Variants in TLE3 observed in about 807,000 individuals in gnomAD.
TLE3 encodes the protein transducin-like enhancer protein 3.
TLE3 carries 14 observed loss-of-function variants against 93.0 expected under a neutral mutation model. The ratio of observed to expected loss-of-function variants is 0.15; its 90% confidence interval spans 0.10 to 0.24. The LOEUF (loss-of-function observed/expected upper bound fraction) is 0.24. TLE3 is among the 10% of genes least tolerant of loss of function. The probability of loss-of-function intolerance (pLI) is 1.00; values close to 1 mark genes in which losing one functional copy is unlikely to be tolerated. For synonymous variants in TLE3, 451 were observed against 425.0 expected (o/e 1.06, Z -0.75); for missense variants, 693 against 1,046.6 (o/e 0.66, Z 4.66).
intron 4 of TLE3, among the ~76,000 whole-genome samples, chr15:70,083,494 A>G (rs1337742164): frequency 1.4e-5 from 2 of 145,680 alleles, no homozygotes; most frequent in East Asian, 2.1e-4. Flanking sequence ...AACACTGCCC[A>G]TTCATCCCAG....
intron 4 of TLE3, among the ~76,000 whole-genome samples, chr15:70,083,895 T>C (rs542172353): frequency 6.6e-6 from 1 of 152,048 alleles, no homozygotes; most frequent in South Asian, 2.1e-4. Flanking sequence ...CCCCATTCTA[T>C]CTACCTACCA....
In TLE3 at chr15:70,070,587, C is replaced by T. The variant is rs553460325; in HGVS notation, c.372+3946G>A. On this transcript the variant is annotated intron_variant, in intron 6 of 19. Transcript: ENST00000451782. The stretch of plus-strand genomic sequence containing the variant: ...ACTCAGTGGGCACCATAGCTCCACA[C>T]GCATTGAGCTTCTGGGGTTGGTAAT... Among the ~76,000 whole-genome samples, 28 of 152,314 alleles carry T rather than the reference C, an allele frequency of 1.8e-4. No individual in the cohort carries two copies. In the South Asian group the frequency reaches 4.4e-3, roughly 24 times the overall value.
chr15:70,051,150 C>T, intron 19 of TLE3: 1 of 389,930 alleles, frequency 2.6e-6, no homozygotes, highest in Non-Finnish European at 4.7e-6. Context: ...GCTTAGAAGC[C>T]CTTGCCCTCG....
intron 6 of TLE3, among the ~76,000 whole-genome samples, chr15:70,070,587 C>G (rs553460325): frequency 6.6e-6 from 1 of 152,196 alleles, no homozygotes; most frequent in Non-Finnish European, 1.5e-5. Flanking sequence ...TAGCTCCACA[C>G]GCATTGAGCT....
chr15:70,068,379 T>C (rs945294967), intron 6 of TLE3, among the ~76,000 whole-genome samples: 2 of 152,178 alleles, frequency 1.3e-5, no homozygotes, highest in Non-Finnish European at 2.9e-5. Flanking sequence ...CTACCTAGTA[T>C]TCCCTGGTGT....
chr15:70,055,948 G>C (rs977837436), intron 14 of TLE3: 64 of 407,054 alleles, frequency 1.6e-4, no homozygotes, highest in African/African-American at 1.1e-3. Flanking sequence ...AGCGGCACTG[G>C]GGCCTTCCCA....
intron 6 of TLE3, among the ~76,000 whole-genome samples, chr15:70,072,769 CA>C (rs1370760178): frequency 6.6e-6 from 1 of 152,222 alleles, no homozygotes; most frequent in East Asian, 1.9e-4. Flanking sequence ...CTAGTGGCTA[CA>C]GGCCAAGGAT....
At chr15:70,060,498 AC>A (rs761957807) in intron 9 of TLE3, 31 bp downstream of exon 9, 1 of 1,611,854 alleles carries the variant, frequency 6.2e-7, no homozygotes, top group Admixed American at 1.7e-5. Context: ...CCCAACAGAA[AC>A]CCCAGTGGTG....
At chr15:70,050,809 C>T (rs975676313) in intron 19 of TLE3, 10 of 156,876 alleles carry the variant, frequency 6.4e-5, no homozygotes, top group South Asian at 1.9e-4. Flanking sequence ...ACCAAGTGTG[C>T]GTGAGTAAAT....
At chr15:70,075,904 C>T (rs1305054905) in intron 5 of TLE3, among the ~76,000 whole-genome samples, 192 bp downstream of exon 5, 3 of 152,110 alleles carry the variant, frequency 2.0e-5, no homozygotes, top group African/African-American at 7.2e-5. Flanking sequence ...GCAAATGGTC[C>T]CTCTGATATG....
intron 4 of TLE3, 111 bp from the exon 5 acceptor site, chr15:70,076,269 G>T: frequency 3.1e-6 from 3 of 962,338 alleles, no homozygotes; most frequent in South Asian, 1.4e-5. Flanking sequence ...CTCTCCACGG[G>T]GCTCCATCCT....
In TLE3 at chr15:70,058,922, C is replaced by T; in HGVS notation, c.766-107G>A. On this transcript the variant is annotated intron_variant, in intron 10 of 19. Transcript: ENST00000451782. This position sits in a 1 kb window ranked among gnomAD's most constrained non-coding sequence, Gnocchi z 4.1. ...AGGGCATGGGCGATGGGAAGACGAG[C>T]TTGGCTGAAAGACTGGGGGCCCCAC... 1 of 1,401,700 alleles carries T rather than the reference C, an allele frequency of 7.1e-7. No homozygotes were observed. Among genetic ancestry groups the T allele is most frequent in the Non-Finnish European group, 9.3e-7 (1 of 1,071,694 alleles). 86.8% of individuals were successfully genotyped at this position (1,401,700 alleles called of 1,614,324 possible).
intron 7 of TLE3, 163 bp downstream of exon 7, chr15:70,065,850 GA>G: frequency 1.4e-6 from 1 of 706,542 alleles, no homozygotes; most frequent in Non-Finnish European, 2.3e-6. Flanking sequence ...ATGGGATGCG[GA>G]TGGCATTGGC....
Position 70,097,871 on chromosome 15 carries a change from CG to C in TLE3, c.-1074del, listed in dbSNP as rs1424435029. On this transcript the variant is annotated 5_prime_UTR_variant, in exon 1 of 20. Transcript: ENST00000451782. ...ACCACACACAGACAGGCGAAGGGGA[CG>C]AGCACGAGGTCTGAACTGCCGCGAG... 3 of 316,504 alleles carry C rather than the reference CG, an allele frequency of 9.5e-6. No homozygotes were observed. The highest frequency in any genetic ancestry group is 2.1e-5 in the African/African-American group (1 of 46,694). The allele number at this position is 316,504 out of a possible 1,614,324, so 19.6% of individuals were successfully genotyped here. A position where few individuals can be genotyped will look rare whatever the true frequency, so the allele number is the denominator to read the frequency against.
chr15:70,060,089 CG>C (rs1386499048), intron 9 of TLE3, among the ~76,000 whole-genome samples: 1 of 152,204 alleles, frequency 6.6e-6, no homozygotes, highest in Non-Finnish European at 1.5e-5. Flanking sequence ...TCTCACGTGC[CG>C]GGGGCATCCC....
In TLE3 at chr15:70,058,624, C is replaced by A; in HGVS notation, c.918+39G>T. 1 of 1,545,036 alleles carries A rather than the reference C, an allele frequency of 6.5e-7. No individual in the cohort carries two copies. The highest frequency in any genetic ancestry group is 2.0e-4 in the Middle Eastern group (1 of 4,916). On this transcript the variant is annotated intron_variant, in intron 11 of 19. Coordinates refer to ENST00000451782, the MANE Select transcript of TLE3 (RefSeq NM_001105192.3). The surrounding 1 kb of genome is among the most constrained non-coding windows in gnomAD (Gnocchi z 4.1). ...GCACCACCCCAGCTCCAGTCCCTGC[C>A]GCTCCCTTCCCACTCCCTTCCACCC...
At chr15:70,077,257 T>G (rs754524433) in intron 4 of TLE3, among the ~76,000 whole-genome samples, 6 of 152,224 alleles carry the variant, frequency 3.9e-5, no homozygotes, top group African/African-American at 1.4e-4. Context: ...TGAGTCCAGA[T>G]AGAAAGGCCT....
chr15:70,048,547 A>G lies in TLE3; in HGVS notation c.*1550T>C, dbSNP rs2055255323. 2 of 152,202 alleles carry G rather than the reference A, an allele frequency of 1.3e-5. No individual in the cohort carries two copies. The highest frequency in any genetic ancestry group is 1.5e-5 in the Non-Finnish European group (1 of 68,040). The allele number at this position is 152,202 out of a possible 1,614,324, so 9.4% of individuals were successfully genotyped here. ...AAAATAATCCATAAAAATGCAGTAT[A>G]AAAATTATCTTCGATATGCTACATC... On this transcript the variant is annotated 3_prime_UTR_variant, in exon 20 of 20. Coordinates refer to ENST00000451782, the MANE Select transcript of TLE3 (RefSeq NM_001105192.3).
intron 4 of TLE3, among the ~76,000 whole-genome samples, chr15:70,085,204 T>C (rs1555425582): frequency 6.6e-6 from 1 of 151,952 alleles, no homozygotes; most frequent in Non-Finnish European, 1.5e-5. Flanking sequence ...ATCACAGAGG[T>C]CAAACAGTCT....
Sources: allele counts gnomAD v4.1 joint callset (sites outside exome capture counted in the v4.1 genomes callset), GRCh38; gene constraint gnomAD v4.1.1; non-coding constraint Gnocchi (gnomAD v3.1); transcripts MANE v1.5; gene names NCBI Gene and HGNC (gene_info 2026-07-23, HGNC 2026-07-21).